The following POLN variants were observed in gnomAD, a reference collection of about 807,000 sequenced individuals.
POLN encodes DNA polymerase nu, also known as DNA polymerase N.
POLN carries 108 observed loss-of-function variants against 113.5 expected under a neutral mutation model. The observed-to-expected ratio is 0.95, with a 90% CI of 0.81 to 1.12. POLN has a LOEUF of 1.12. POLN is among the 50% of genes most tolerant of loss of function. The pLI, the probability that POLN is intolerant of heterozygous loss-of-function variation, is 0.00. For synonymous variants in POLN, 386 were observed against 391.5 expected, an observed-to-expected ratio of 0.99 and a Z score of 0.17; for missense variants, 1,097 against 1,077.1, an observed-to-expected ratio of 1.02 and a Z score of -0.26.
chr4:2,144,488 A>G (rs552564494), intron 16 of POLN, among the ~76,000 whole-genome samples: 123 of 152,282 alleles, frequency 8.1e-4, no homozygotes, highest in Non-Finnish European at 1.4e-3. Flanking sequence ...AGAAGAATTC[A>G]TTCATTGTAT....
At chr4:2,097,981 G>T (rs1730837437) in intron 19 of POLN, among the ~76,000 whole-genome samples, 1 of 152,234 alleles carries the variant, frequency 6.6e-6, no homozygotes, top group Non-Finnish European at 1.5e-5. Context: ...AGACTTCACT[G>T]ATTTTTTGCC....
chr4:2,131,301 T>A lies in POLN; in HGVS notation c.1732-11A>T. 2 of 1,544,032 alleles carry A rather than the reference T, an allele frequency of 1.3e-6. No homozygotes were observed. The highest frequency in any genetic ancestry group is 2.3e-5 in the South Asian group (2 of 88,814). ...GATACCTTGGATATTCTGTTAATAA[T>A]AAGAGACTAGCTTTAGTTAAAATAT... is the stretch of plus-strand genomic sequence containing the variant. On this transcript the variant is annotated splice_polypyrimidine_tract_variant and intron_variant, in intron 16 of 25. Transcript: ENST00000511885.
At chr4:2,194,689 T>G (rs921239654) in intron 6 of POLN, among the ~76,000 whole-genome samples, 2 of 152,152 alleles carry the variant, frequency 1.3e-5, no homozygotes, top group African/African-American at 4.8e-5. Flanking sequence ...ATTTTTATCT[T>G]GATAAAACAA....
At position 2,137,135 on chromosome 4, in the gene POLN, ATGAG is replaced by A. The variant is rs1731877486; in HGVS notation, c.1732-5849_1732-5846del. ...GGAGCAATTCACAAATAGTGGCTGA[ATGAG>A]TAAGACGAAAAATAAATAATTTTCA... is the stretch of plus-strand genomic sequence containing the variant. On this transcript the variant is annotated intron_variant, in intron 16 of 25. Transcript: ENST00000511885. 1.3e-5 allele frequency among the ~76,000 whole-genome samples: 2 copies of A among 152,262 alleles called. 1 individual carries two copies. Among genetic ancestry groups the A allele is most frequent in the Admixed American group, 1.3e-4 (2 of 15,290 alleles).
At chr4:2,152,124 C>T (rs1255243231) in intron 16 of POLN, among the ~76,000 whole-genome samples, 3 of 150,812 alleles carry the variant, frequency 2.0e-5, no homozygotes, top group Non-Finnish European at 4.4e-5. Flanking sequence ...CTCCTCCTCT[C>T]GGGCTCAAGC....
chr4:2,236,180 C>G lies in POLN; in HGVS notation c.-13+5340G>C, dbSNP rs546287030. On this transcript the variant is annotated intron_variant, in intron 2 of 25. Coordinates refer to ENST00000511885, the MANE Select transcript of POLN (RefSeq NM_181808.4). ...ACATTTTCTTTAATATCTTTTACAA[C>G]AAGCATTTTTTTAAAAAGCATTTTT... The G allele has an allele frequency of 1.2e-5, 14 of 1,128,446 alleles. No individual in the cohort carries two copies. In the Admixed American group the frequency reaches 2.8e-4, roughly 23 times the overall value. 69.9% of individuals were successfully genotyped at this position (1,128,446 alleles called of 1,614,324 possible).
rs1285233297 is a variant in POLN at position 2,242,103 on chromosome 4, G to A, written c.-336C>T. The A allele has an allele frequency of 9.1e-6, 9 of 985,786 alleles. No homozygotes were observed. The highest frequency in any genetic ancestry group is 9.4e-5 in the South Asian group (2 of 21,340). 61.1% of individuals were successfully genotyped at this position (985,786 alleles called of 1,614,324 possible). ...GGAGCCCGCCGCCACCGCCCTCCGT[G>A]CCCCGCGCGCCTCGCACTGCCTCAC... On this transcript the variant is annotated 5_prime_UTR_variant, in exon 1 of 26. Coordinates refer to ENST00000511885, the MANE Select transcript of POLN (RefSeq NM_181808.4).
intron 23 of POLN, among the ~76,000 whole-genome samples, chr4:2,075,975 GAAC>G (rs924836919): frequency 2.0e-5 from 3 of 152,116 alleles, no homozygotes; most frequent in African/African-American, 4.8e-5. Flanking sequence ...GCCGAGCCTC[GAAC>G]AACATCATGG....
At chr4:2,217,793 C>G (rs907642880) in intron 3 of POLN, among the ~76,000 whole-genome samples, 4 of 152,194 alleles carry the variant, frequency 2.6e-5, no homozygotes, top group African/African-American at 4.8e-5. Flanking sequence ...GTTGGAAGTC[C>G]AAGTAGCTGA....
chr4:2,188,634 C>CA (rs748859439), intron 7 of POLN, among the ~76,000 whole-genome samples: 14 of 117,406 alleles, frequency 1.2e-4, no homozygotes, highest in South Asian at 5.5e-4. Context: ...CAAAACAAAA[C>CA]AAAAAAAAAC....
intron 21 of POLN, among the ~76,000 whole-genome samples, chr4:2,085,079 A>AT (rs1344690763): frequency 6.6e-6 from 1 of 152,108 alleles, no homozygotes; most frequent in Admixed American, 6.5e-5. Flanking sequence ...TATTTCTAAC[A>AT]TTTTTTGTCA....
At chr4:2,156,164 A>T (rs1194435954) in intron 16 of POLN, among the ~76,000 whole-genome samples, 2 of 152,200 alleles carry the variant, frequency 1.3e-5, no homozygotes, top group Non-Finnish European at 2.9e-5. Flanking sequence ...ATATGTGCTT[A>T]GCAAAAAGTG....
At chr4:2,112,018 G>A (rs1731206786) in intron 19 of POLN, among the ~76,000 whole-genome samples, 1 of 152,148 alleles carries the variant, frequency 6.6e-6, no homozygotes, top group African/African-American at 2.4e-5. Flanking sequence ...AAACAGCATG[G>A]TACTGGTACC....
chr4:2,119,346 C>T (rs548035422), intron 19 of POLN, among the ~76,000 whole-genome samples: 3 of 152,130 alleles, frequency 2.0e-5, no homozygotes, highest in Non-Finnish European at 2.9e-5. Context: ...TTGAAGAAGG[C>T]GCCTTAATGG....
At chr4:2,156,623 G>C (rs894356913) in intron 16 of POLN, 165 bp downstream of exon 16, 2 of 679,632 alleles carry the variant, frequency 2.9e-6, no homozygotes, top group Non-Finnish European at 5.3e-6. Flanking sequence ...CATCTGTCTT[G>C]TTCTCCTGCT....
intron 7 of POLN, among the ~76,000 whole-genome samples, chr4:2,188,999 A>G (rs896677602): frequency 2.0e-5 from 3 of 150,678 alleles, no homozygotes; most frequent in African/African-American, 7.4e-5. Flanking sequence ...TAACTATAAG[A>G]TTTTTTTTGT....
chr4:2,153,873 T>A (rs1465914261), intron 16 of POLN, among the ~76,000 whole-genome samples: 2 of 151,790 alleles, frequency 1.3e-5, no homozygotes, highest in Admixed American at 1.3e-4. Context: ...TGTGAGCCAC[T>A]GCACCCGGCT....
chr4:2,179,514 T>C, intron 7 of POLN, 49 bp from the exon 8 acceptor site: 1 of 1,564,868 alleles, frequency 6.4e-7, no homozygotes, highest in Non-Finnish European at 8.7e-7. Flanking sequence ...CCAATAGTTG[T>C]TTTTCCTGCT....
intron 20 of POLN, chr4:2,089,328 T>C: frequency 7.2e-7 from 1 of 1,393,776 alleles, no homozygotes; most frequent in Non-Finnish European, 9.9e-7. Context: ...TTAATTCTGA[T>C]ATTCCTGGTG....
Sources: allele counts gnomAD v4.1 joint callset (sites outside exome capture counted in the v4.1 genomes callset), GRCh38; gene constraint gnomAD v4.1.1; transcripts MANE v1.5; gene names NCBI Gene and HGNC (gene_info 2026-07-23, HGNC 2026-07-21).